SLC22A25: variants seen among roughly 807,000 people sequenced by gnomAD.
SLC22A25 encodes MGI:2442751, MGI:2385316, MGI:3042283, MGI:3645714, MGI:3605624, MGI:2442750.
SLC22A25 carries 44 observed loss-of-function variants against 45.9 expected under a neutral mutation model. The observed-to-expected ratio is 0.96, with a 90% CI of 0.75 to 1.23. SLC22A25 has a LOEUF of 1.23. Among genes scored for constraint, SLC22A25 ranks in the 50% most tolerant of loss-of-function variants. The pLI is 0.00. For synonymous variants in SLC22A25, 283 were observed against 238.6 expected, an observed-to-expected ratio of 1.19 and a Z score of -1.72; for missense variants, 800 against 666.4, an observed-to-expected ratio of 1.20 and a Z score of -2.21.
At chr11:63,188,858 GA>G (rs1472789339) in intron 7 of SLC22A25, among the ~76,000 whole-genome samples, 16 of 152,174 alleles carry the variant, frequency 1.1e-4, no homozygotes, top group African/African-American at 3.9e-4. Context: ...GAGTGGTTTT[GA>G]GTGAGTTTCT....
chr11:63,232,867 C>T (rs1001066728), intron 3 of SLC22A25, among the ~76,000 whole-genome samples: 7 of 152,098 alleles, frequency 4.6e-5, no homozygotes, highest in Non-Finnish European at 8.8e-5. Flanking sequence ...TTGTCAAAGG[C>T]CTTTTCTGCA....
intron 3 of SLC22A25, among the ~76,000 whole-genome samples, chr11:63,233,745 TC>T (rs1475727118): frequency 6.6e-6 from 1 of 152,248 alleles, no homozygotes; most frequent in Non-Finnish European, 1.5e-5. Flanking sequence ...CAATTTTAGA[TC>T]TTTCCTGCTT....
rs138823699 is a variant in SLC22A25 at position 63,196,432 on chromosome 11, G to C, written c.831-12615C>G. ...ACGATCAAGTTGACTTCATCCCTGG[G>C]ATGCAAGGCTGGTTCAACCTATGCA... On this transcript the variant is annotated intron_variant, in intron 7 of 11. Transcript: ENST00000306494. 4.2e-3 allele frequency among the ~76,000 whole-genome samples: 633 copies of C among 152,302 alleles called. 4 individuals carry two copies. The highest frequency in any genetic ancestry group is 7.2e-3 in the Non-Finnish European group (491 of 68,028).
intron 7 of SLC22A25, among the ~76,000 whole-genome samples, chr11:63,186,986 C>G (rs1416403735): frequency 6.6e-6 from 1 of 152,106 alleles, no homozygotes; most frequent in Non-Finnish European, 1.5e-5. Context: ...CATGGTGCCT[C>G]CCGCTTTGTT....
chr11:63,166,841 T>G (rs1263427319), intron 9 of SLC22A25: 2 of 985,166 alleles, frequency 2.0e-6, no homozygotes, highest in Non-Finnish European at 2.4e-6. Flanking sequence ...AACTTCATTA[T>G]GGTTTTATTT....
chr11:63,242,933 C>G (rs1170615837), intron 1 of SLC22A25, among the ~76,000 whole-genome samples: 10 of 152,186 alleles, frequency 6.6e-5, no homozygotes, highest in African/African-American at 2.4e-4. Context: ...CCTTCTGTCT[C>G]TGCCCTCACC....
chr11:63,225,218 A>G (rs938693862), intron 5 of SLC22A25, among the ~76,000 whole-genome samples: 2 of 152,226 alleles, frequency 1.3e-5, no homozygotes, highest in African/African-American at 4.8e-5. Flanking sequence ...ATTTACTACT[A>G]GCAGGGAGTT....
At position 63,243,384 on chromosome 11, in the gene SLC22A25, G is replaced by A. The variant is rs546535004; in HGVS notation, c.-996+50C>T. 6.8e-4 allele frequency: 453 copies of A among 667,782 alleles called. 1 individual carries two copies. Among genetic ancestry groups the A allele is most frequent in the Non-Finnish European group, 1.1e-3 (395 of 360,818 alleles). 41.4% of individuals were successfully genotyped at this position (667,782 alleles called of 1,614,324 possible). ...ACCTGTTAACTAATGCTGGAGGTCTGTGAGGAACAGAAGTGTGAAGAAAAG... is the reference window on the plus strand; with the variant it reads ...ACCTGTTAACTAATGCTGGAGGTCTATGAGGAACAGAAGTGTGAAGAAAAG... On this transcript the variant is annotated intron_variant, in intron 1 of 11. Transcript: ENST00000306494.
In SLC22A25 at chr11:63,161,443, C is replaced by T. The variant is rs116814649; in HGVS notation, c.*2381G>A. Among the ~76,000 whole-genome samples the T allele has an allele frequency of 0.02, 3,009 of 152,132 alleles. 42 individuals are homozygous for T. Among genetic ancestry groups the T allele is most frequent in the Middle Eastern group, 0.051 (15 of 294 alleles). On this transcript the variant is annotated 3_prime_UTR_variant, in exon 12 of 12. Transcript: ENST00000306494. The stretch of plus-strand genomic sequence containing the variant: ...CAGAATGATATGGTTTGACTGTGTC[C>T]GCCTACCCAATCTCATCTTGAATTG...
intron 5 of SLC22A25, chr11:63,218,128 C>T (rs746796584): frequency 1.5e-5 from 7 of 459,980 alleles, no homozygotes; most frequent in Admixed American, 4.7e-5. Context: ...GGAATAACCT[C>T]AATGCCCACC....
At chr11:63,169,532 C>G (rs1294189764) in intron 9 of SLC22A25, among the ~76,000 whole-genome samples, 1 of 152,036 alleles carries the variant, frequency 6.6e-6, no homozygotes, top group African/African-American at 2.4e-5. Context: ...TCTGATAAAA[C>G]AGAGTTTAAG....
At chr11:63,227,858 G>A (rs980932409) in intron 5 of SLC22A25, among the ~76,000 whole-genome samples, 12 of 152,206 alleles carry the variant, frequency 7.9e-5, no homozygotes, top group African/African-American at 2.4e-4. Context: ...TGTGGCTATG[G>A]CTGGTCTAAA....
chr11:63,216,688 G>A (rs1443415909), intron 7 of SLC22A25, among the ~76,000 whole-genome samples: 3 of 151,948 alleles, frequency 2.0e-5, no homozygotes, highest in African/African-American at 7.3e-5. Context: ...GGAGGGAGAG[G>A]ATCAGGAAAA....
chr11:63,201,163 A>T (rs1202387655), intron 7 of SLC22A25, among the ~76,000 whole-genome samples: 1 of 152,218 alleles, frequency 6.6e-6, no homozygotes, highest in Non-Finnish European at 1.5e-5. Context: ...TTTAAAATAC[A>T]TATGAAACCA....
chr11:63,223,322 G>A (rs1286862571), intron 5 of SLC22A25, among the ~76,000 whole-genome samples: 1 of 151,924 alleles, frequency 6.6e-6, no homozygotes, highest in Non-Finnish European at 1.5e-5. Context: ...GTCTGTTCTG[G>A]TTTTGGATTT....
intron 3 of SLC22A25, among the ~76,000 whole-genome samples, chr11:63,235,524 G>T (rs1398144883): frequency 6.6e-6 from 1 of 152,074 alleles, no homozygotes; most frequent in Non-Finnish European, 1.5e-5. Flanking sequence ...CTCTGCATTG[G>T]TTATTCTAGT....
chr11:63,201,530 C>T (rs111313865), intron 7 of SLC22A25, among the ~76,000 whole-genome samples: 7 of 152,182 alleles, frequency 4.6e-5, no homozygotes, highest in East Asian at 1.9e-4. Context: ...AAAACTTAAA[C>T]GTAAAATCCC....
At chr11:63,172,628 G>A (rs1023292026) in intron 9 of SLC22A25, among the ~76,000 whole-genome samples, 5 of 148,982 alleles carry the variant, frequency 3.4e-5, no homozygotes, top group African/African-American at 1.2e-4. Context: ...AGGTGTGGGT[G>A]TTTTCAGTGC....
At chr11:63,223,674 T>C (rs1160300180) in intron 5 of SLC22A25, among the ~76,000 whole-genome samples, 3 of 152,080 alleles carry the variant, frequency 2.0e-5, no homozygotes, top group African/African-American at 7.2e-5. Context: ...AATATGCTCT[T>C]GCTTTTCTAG....
Sources: gnomAD v4.1 joint callset for allele counts (sites outside exome capture counted in the v4.1 genomes callset) on GRCh38, gnomAD v4.1.1 for gene constraint, MANE v1.5 for transcripts, NCBI Gene and HGNC (gene_info 2026-07-23, HGNC 2026-07-21) for gene names.